Variants in PDGFD observed in about 807,000 individuals in gnomAD.
PDGFD encodes the protein platelet-derived growth factor D.
PDGFD carries 30 observed loss-of-function variants against 44.7 expected under a neutral mutation model. The ratio of observed to expected loss-of-function variants is 0.67; its 90% CI spans 0.50 to 0.91. The LOEUF is 0.91. Ranked by LOEUF, PDGFD falls within the 40% of genes least tolerant of loss-of-function variation. The pLI is 0.00. For missense variants in PDGFD, 445 were observed against 457.8 expected (o/e 0.97, Z 0.25); for synonymous variants, 173 against 168.4 (o/e 1.03, Z -0.21).
At chr11:104,161,922 T>C (rs1243316477) in intron 1 of PDGFD, among the ~76,000 whole-genome samples, 1 of 150,766 alleles carries the variant, frequency 6.6e-6, no homozygotes, top group Non-Finnish European at 1.5e-5. Flanking sequence ...TTGAGGAAAG[T>C]ATTGAGCAAT....
chr11:104,134,703 T>C (rs1458019654), intron 1 of PDGFD, among the ~76,000 whole-genome samples: 1 of 152,204 alleles, frequency 6.6e-6, no homozygotes, highest in Non-Finnish European at 1.5e-5. Context: ...AACACGAAGA[T>C]GTCTCCTGGA....
intron 5 of PDGFD, among the ~76,000 whole-genome samples, chr11:103,942,174 T>C (rs890265873): frequency 2.0e-5 from 3 of 152,112 alleles, no homozygotes; most frequent in Non-Finnish European, 4.4e-5. Context: ...CTTAAAAGTA[T>C]TCTTAATATT....
At chr11:103,912,211 G>A (rs1254854401) in intron 6 of PDGFD, among the ~76,000 whole-genome samples, 1 of 152,182 alleles carries the variant, frequency 6.6e-6, no homozygotes, top group Non-Finnish European at 1.5e-5. Flanking sequence ...AGGAAAAAAT[G>A]TTAAGGGCAG....
Position 103,908,048 on chromosome 11 carries a change from A to G in PDGFD, c.*1646T>C, listed in dbSNP as rs1857964825. On this transcript the variant is annotated 3_prime_UTR_variant, in exon 7 of 7. Transcript: ENST00000393158. The stretch of plus-strand genomic sequence containing the variant: ...GCACCATACTTAGAAATCTAAGTAT[A>G]TTTAGGTCACTCATCTAACACTGGG... 6.6e-6 allele frequency: 1 copy of G among 152,208 alleles called. No homozygotes were observed. The highest frequency in any genetic ancestry group is 2.1e-4 in the South Asian group (1 of 4,826). The allele number at this position is 152,208 out of a possible 1,614,324, so 9.4% of individuals were successfully genotyped here.
intron 1 of PDGFD, among the ~76,000 whole-genome samples, chr11:104,091,996 C>A (rs1861218623): frequency 6.6e-6 from 1 of 152,198 alleles, no homozygotes; most frequent in South Asian, 2.1e-4. Context: ...ATTTTCTACA[C>A]ATGATCCCAC....
chr11:104,161,622 A>G (rs1302379576), intron 1 of PDGFD, among the ~76,000 whole-genome samples: 1 of 152,162 alleles, frequency 6.6e-6, no homozygotes, highest in Non-Finnish European at 1.5e-5. Context: ...TGTGAATGGT[A>G]ATACCACAGA....
chr11:104,046,627 A>C (rs1286111549), intron 1 of PDGFD, among the ~76,000 whole-genome samples: 2 of 147,494 alleles, frequency 1.4e-5, no homozygotes, highest in Non-Finnish European at 3.0e-5. Context: ...TTAATACAGG[A>C]AACAGTGCTT....
chr11:103,938,051 T>A (rs1041726162), intron 5 of PDGFD, among the ~76,000 whole-genome samples: 2 of 151,524 alleles, frequency 1.3e-5, no homozygotes, highest in Admixed American at 6.6e-5. Flanking sequence ...TGATTTATAA[T>A]CCTTTGGGTA....
intron 1 of PDGFD, among the ~76,000 whole-genome samples, chr11:104,032,850 T>C (rs567747803): frequency 2.6e-5 from 4 of 151,992 alleles, no homozygotes; most frequent in South Asian, 4.1e-4. Context: ...ATCTCACTTA[T>C]CAAAAAAAAT....
intron 6 of PDGFD, among the ~76,000 whole-genome samples, chr11:103,923,835 C>CA (rs768740814): frequency 3.9e-4 from 59 of 152,230 alleles, no homozygotes; most frequent in Non-Finnish European, 7.3e-4. Context: ...CAGCACTTGA[C>CA]AGAGTGATTT....
At chr11:104,004,102 T>C (rs919046123) in intron 1 of PDGFD, among the ~76,000 whole-genome samples, 24 of 152,336 alleles carry the variant, frequency 1.6e-4, no homozygotes, top group Non-Finnish European at 2.9e-4. Flanking sequence ...GGACTCTTTT[T>C]TCTAAAACAT....
At chr11:103,985,048 T>C (rs1412384080) in intron 3 of PDGFD, among the ~76,000 whole-genome samples, 1 of 92,622 alleles carries the variant, frequency 1.1e-5, no homozygotes, top group African/African-American at 5.3e-5. Flanking sequence ...GTTATATTTG[T>C]TTAATATATA....
intron 5 of PDGFD, among the ~76,000 whole-genome samples, chr11:103,935,756 C>T (rs1215698362): frequency 6.6e-6 from 1 of 152,108 alleles, no homozygotes; most frequent in Non-Finnish European, 1.5e-5. Context: ...ATAACAGTAG[C>T]TATCATTTAT....
At chr11:104,037,556 A>G (rs879260180) in intron 1 of PDGFD, 7 of 1,613,982 alleles carry the variant, frequency 4.3e-6, no homozygotes, top group Non-Finnish European at 5.1e-6. Context: ...ACGATGCTCT[A>G]CATTAACTGC....
chr11:103,990,641 T>C (rs1228524779), intron 3 of PDGFD, among the ~76,000 whole-genome samples: 1 of 152,164 alleles, frequency 6.6e-6, no homozygotes, highest in Non-Finnish European at 1.5e-5. Flanking sequence ...ATATTGCAGC[T>C]CTTGCAGCTC....
chr11:104,020,099 T>C (rs182289761), intron 1 of PDGFD, among the ~76,000 whole-genome samples: 1 of 152,278 alleles, frequency 6.6e-6, no homozygotes, highest in African/African-American at 2.4e-5. Context: ...GCAAACATTT[T>C]AGGAGTTCAA....
At chr11:104,157,238 A>C (rs1862319652) in intron 1 of PDGFD, among the ~76,000 whole-genome samples, 1 of 152,186 alleles carries the variant, frequency 6.6e-6, no homozygotes, top group African/African-American at 2.4e-5. Context: ...TTTGGGTTTA[A>C]GAAAGTCATT....
At chr11:104,065,740 C>T (rs929852074) in intron 1 of PDGFD, among the ~76,000 whole-genome samples, 2 of 152,116 alleles carry the variant, frequency 1.3e-5, no homozygotes, top group African/African-American at 4.8e-5. Context: ...CATCAAGGTG[C>T]TGTGAAAAAC....
intron 3 of PDGFD, among the ~76,000 whole-genome samples, chr11:103,980,670 C>T (rs1859257485): frequency 6.6e-6 from 1 of 151,998 alleles, no homozygotes; most frequent in South Asian, 2.1e-4. Context: ...TTGTGTCCCC[C>T]CCAAAATTGA....
Sources: allele counts gnomAD v4.1 joint callset (sites outside exome capture counted in the v4.1 genomes callset), GRCh38; gene constraint gnomAD v4.1.1; transcripts MANE v1.5; gene names NCBI Gene and HGNC (gene_info 2026-07-23, HGNC 2026-07-21).